Variants in CPEB3 observed in about 807,000 individuals in gnomAD.
CPEB3 encodes the protein cytoplasmic polyadenylation element binding protein 3.
In CPEB3, 20 loss-of-function variants were observed where a neutral mutation model predicts 67.2. The ratio of observed to expected loss-of-function variants is 0.30; its 90% CI spans 0.21 to 0.43. CPEB3 has a LOEUF of 0.43. Among genes scored for constraint, CPEB3 ranks in the 20% least tolerant of loss-of-function variants. CPEB3 has a pLI of 1.00. For missense variants in CPEB3, 746 were observed against 968.6 expected (o/e 0.77, Z 3.05); for synonymous variants, 376 against 393.1 (o/e 0.96, Z 0.51).
chr10:92,103,657 C>A lies in CPEB3; in HGVS notation c.1572+7419G>T, dbSNP rs549299107. Reference sequence around the variant, plus strand: ...CACTCTTTTTTCTCCACTCTTTATGCCTGTTTGCAATGCATCAAGAAATGA... The same window carrying A: ...CACTCTTTTTTCTCCACTCTTTATGACTGTTTGCAATGCATCAAGAAATGA... On this transcript the variant is annotated intron_variant, in intron 7 of 9. Transcript: ENST00000265997. Among the ~76,000 whole-genome samples the A allele has an allele frequency of 3.9e-5, 6 of 152,332 alleles. No individual in the cohort carries two copies. The South Asian group carries it at 1.2e-3, about 32-fold the overall frequency.
In CPEB3 at chr10:92,181,138, G is replaced by A. The variant is rs1848440166; in HGVS notation, c.1166-119C>T. On this transcript the variant is annotated intron_variant, in intron 3 of 9. Transcript: ENST00000265997. ...ATTAATCTATAACAATGCTATCAAA[G>A]GCCAAAGCAGTTACAACAGTTTTAA... is the stretch of plus-strand genomic sequence containing the variant. 8.9e-6 allele frequency: 5 copies of A among 564,496 alleles called. No homozygotes were observed. In the South Asian group the frequency reaches 9.2e-5, roughly 10 times the overall value. 35.0% of individuals were successfully genotyped at this position (564,496 alleles called of 1,614,324 possible). A position where few individuals can be genotyped will look rare whatever the true frequency, so the allele number is the denominator to read the frequency against.
At chr10:92,190,665 C>CAAAAAAAAAAAAAAAA (rs780757034) in intron 3 of CPEB3, among the ~76,000 whole-genome samples, 3 of 78,396 alleles carry the variant, frequency 3.8e-5, no homozygotes, top group African/African-American at 1.0e-4. Flanking sequence ...AACTCCATCT[C>CAAAAAAAAAAAAAAAA]AAAAAAAAAA....
chr10:92,208,084 G>A (rs1849881407), intron 2 of CPEB3, among the ~76,000 whole-genome samples: 1 of 152,178 alleles, frequency 6.6e-6, no homozygotes, highest in South Asian at 2.1e-4. Context: ...AGGTTCTGAT[G>A]AGCAAAAATA....
chr10:92,212,405 T>C (rs1850142096), intron 2 of CPEB3, among the ~76,000 whole-genome samples: 1 of 151,370 alleles, frequency 6.6e-6, no homozygotes, highest in South Asian at 2.1e-4. Context: ...CACTCACCAC[T>C]GCCCAGCTAA....
intron 4 of CPEB3, among the ~76,000 whole-genome samples, chr10:92,147,947 C>G (rs888001331): frequency 1.3e-5 from 2 of 152,098 alleles, no homozygotes; most frequent in African/African-American, 4.8e-5. Context: ...TCATCCTTGA[C>G]ATCTCCCTTT....
At chr10:92,144,870 G>A in intron 5 of CPEB3, 75 bp downstream of exon 5, 4 of 1,355,732 alleles carry the variant, frequency 3.0e-6, no homozygotes, top group Non-Finnish European at 4.2e-6. Context: ...AAGTTGACTT[G>A]GAGAGGAGAG....
chr10:92,178,161 C>CAT (rs1266749805), intron 4 of CPEB3, among the ~76,000 whole-genome samples: 1 of 139,812 alleles, frequency 7.2e-6, no homozygotes, highest in Non-Finnish European at 1.6e-5. Flanking sequence ...TCAATTATTC[C>CAT]TTTTTTTTTT....
chr10:92,281,783 C>T (rs922872934), intron 1 of CPEB3, among the ~76,000 whole-genome samples: 3 of 152,146 alleles, frequency 2.0e-5, no homozygotes, highest in African/African-American at 4.8e-5. Context: ...TTTTTGCATG[C>T]ACATGGTAAT....
chr10:92,284,983 G>A (rs940738293), intron 1 of CPEB3, among the ~76,000 whole-genome samples: 4 of 152,142 alleles, frequency 2.6e-5, no homozygotes, highest in African/African-American at 9.7e-5. Flanking sequence ...AAATTTACTT[G>A]GTTCACAGTT....
intron 9 of CPEB3, among the ~76,000 whole-genome samples, chr10:92,061,371 A>G (rs1449034646): frequency 6.7e-6 from 1 of 148,804 alleles, no homozygotes; most frequent in East Asian, 2.0e-4. Flanking sequence ...GTGAGCCAAG[A>G]TCGCGCCACT....
chr10:92,251,946 GAA>G (rs78326888), intron 1 of CPEB3, among the ~76,000 whole-genome samples: 4 of 86,988 alleles, frequency 4.6e-5, no homozygotes, highest in South Asian at 3.4e-4. Flanking sequence ...ATCTCAAAAA[GAA>G]AAAAAAAAAA....
At chr10:92,120,626 A>ATTAC (rs1430541311) in intron 6 of CPEB3, among the ~76,000 whole-genome samples, 2 of 152,174 alleles carry the variant, frequency 1.3e-5, no homozygotes, top group South Asian at 4.2e-4. Flanking sequence ...AACTGCTGTA[A>ATTAC]AGGACATTAC....
At chr10:92,076,821 AAG>A (rs759582386) in intron 9 of CPEB3, among the ~76,000 whole-genome samples, 1 of 141,142 alleles carries the variant, frequency 7.1e-6, no homozygotes, top group Non-Finnish European at 1.6e-5. Flanking sequence ...GGAGGGGAGA[AAG>A]AGGAGGAGGA....
intron 4 of CPEB3, among the ~76,000 whole-genome samples, chr10:92,159,443 G>A (rs1350665906): frequency 6.6e-6 from 1 of 151,078 alleles, no homozygotes; most frequent in South Asian, 2.1e-4. Flanking sequence ...AGGCCAAGGT[G>A]GGCAGATCAT....
chr10:92,285,261 CT>C (rs1842473252), intron 1 of CPEB3, among the ~76,000 whole-genome samples: 1 of 152,098 alleles, frequency 6.6e-6, no homozygotes, highest in East Asian at 1.9e-4. Context: ...AAGTTTCTTT[CT>C]TTCTTTCTTT....
chr10:92,281,700 C>A (rs1373202567), intron 1 of CPEB3, among the ~76,000 whole-genome samples: 1 of 152,128 alleles, frequency 6.6e-6, no homozygotes, highest in Non-Finnish European at 1.5e-5. Context: ...ATCTAAAAGT[C>A]AAGGTTAATA....
intron 9 of CPEB3, among the ~76,000 whole-genome samples, chr10:92,068,859 A>C (rs1842651626): frequency 6.6e-6 from 1 of 152,224 alleles, no homozygotes; most frequent in African/African-American, 2.4e-5. Context: ...TGGGACTCCC[A>C]GTACTTCAAA....
intron 1 of CPEB3, among the ~76,000 whole-genome samples, chr10:92,288,615 T>C (rs1210751597): frequency 1.3e-5 from 2 of 152,226 alleles, no homozygotes; most frequent in East Asian, 1.9e-4. Context: ...TTTTCTACTT[T>C]AAAAGGTTTT....
intron 9 of CPEB3, among the ~76,000 whole-genome samples, chr10:92,057,567 A>G (rs536838596): frequency 7.2e-5 from 11 of 152,340 alleles, no homozygotes; most frequent in African/African-American, 2.6e-4. Context: ...TGGCTTTGCC[A>G]CCTGCTGATA....
Sources: allele counts gnomAD v4.1 joint callset (sites outside exome capture counted in the v4.1 genomes callset), GRCh38; gene constraint gnomAD v4.1.1; transcripts MANE v1.5; gene names NCBI Gene and HGNC (gene_info 2026-07-23, HGNC 2026-07-21).